Variants in GABRG3 observed in about 807,000 individuals in gnomAD.
GABRG3 encodes gamma-aminobutyric acid receptor subunit gamma-3.
GABRG3 carries 25 observed loss-of-function variants against 48.8 expected under a neutral mutation model. That is an observed-to-expected ratio of 0.51 (90% CI 0.37 to 0.72). The LOEUF (loss-of-function observed/expected upper bound fraction) is 0.72. Among genes scored for constraint, GABRG3 ranks in the 30% least tolerant of loss-of-function variants. GABRG3 has a pLI of 0.00. For synonymous variants in GABRG3, 227 were observed against 217.6 expected, an observed-to-expected ratio of 1.04 and a Z score of -0.38; for missense variants, 394 against 577.9, an observed-to-expected ratio of 0.68 and a Z score of 3.26.
intron 6 of GABRG3, among the ~76,000 whole-genome samples, chr15:27,485,024 A>T (rs1303707994): frequency 6.6e-6 from 1 of 152,196 alleles, no homozygotes; most frequent in East Asian, 1.9e-4. Flanking sequence ...CCACTCTTTA[A>T]TTGTGGGCTG....
chr15:27,433,361 G>A (rs1399593331), intron 5 of GABRG3, among the ~76,000 whole-genome samples: 1 of 152,218 alleles, frequency 6.6e-6, no homozygotes, highest in Non-Finnish European at 1.5e-5. Flanking sequence ...CAACATGTCA[G>A]GAAACCTGTG....
intron 6 of GABRG3, among the ~76,000 whole-genome samples, chr15:27,518,215 AAGAATT>A (rs1389096706): frequency 2.0e-5 from 3 of 149,338 alleles, no homozygotes; most frequent in African/African-American, 7.6e-5. Context: ...AAAAAAAAAA[AAGAATT>A]AGCCAGACGT....
At chr15:27,421,814 C>T (rs1888124909) in intron 5 of GABRG3, among the ~76,000 whole-genome samples, 1 of 151,502 alleles carries the variant, frequency 6.6e-6, no homozygotes, top group South Asian at 2.1e-4. Context: ...TCTAAGATAT[C>T]CATGGGAGTG....
chr15:27,519,692 G>A (rs977656396), intron 6 of GABRG3, among the ~76,000 whole-genome samples: 10 of 152,108 alleles, frequency 6.6e-5, no homozygotes, highest in Non-Finnish European at 1.0e-4. Context: ...ATCAACTCAT[G>A]GCCTGTCGTG....
intron 5 of GABRG3, among the ~76,000 whole-genome samples, chr15:27,349,962 A>AAC (rs1261822345): frequency 8.5e-3 from 1 of 118 alleles, no homozygotes; most frequent in Non-Finnish European, 0.016. Flanking sequence ...TGACAATAAC[A>AAC]AAAAAAAACC....
intron 3 of GABRG3, among the ~76,000 whole-genome samples, chr15:27,284,517 C>G (rs898586359): frequency 2.6e-5 from 4 of 152,220 alleles, no homozygotes; most frequent in African/African-American, 9.6e-5. Context: ...CACTCTCTCT[C>G]TCACACACAC....
intron 2 of GABRG3, among the ~76,000 whole-genome samples, chr15:26,986,542 C>A (rs1304524189): frequency 6.6e-6 from 1 of 152,168 alleles, no homozygotes; most frequent in Non-Finnish European, 1.5e-5. Context: ...TGCACCATGC[C>A]ACCCCTATCG....
In GABRG3 at chr15:27,198,572, G is replaced by A. The variant is rs531322453; in HGVS notation, c.271-128237G>A. Among the ~76,000 whole-genome samples, 14 of 152,320 alleles carry A rather than the reference G, an allele frequency of 9.2e-5. 1 individual carries two copies. In the South Asian group the frequency reaches 2.9e-3, roughly 32 times the overall value. Reference sequence around the variant, plus strand: ...GGGAGTGTAAATTAGTTCAACCATTGTGGAAGACAGTGTGGTGATTCCTCA... The same window carrying A: ...GGGAGTGTAAATTAGTTCAACCATTATGGAAGACAGTGTGGTGATTCCTCA... On this transcript the variant is annotated intron_variant, in intron 3 of 9. Coordinates refer to ENST00000615808, the MANE Select transcript of GABRG3 (RefSeq NM_033223.5).
chr15:27,135,882 G>A (rs1897999965), intron 3 of GABRG3, among the ~76,000 whole-genome samples: 1 of 152,158 alleles, frequency 6.6e-6, no homozygotes, highest in African/African-American at 2.4e-5. Flanking sequence ...TCCAGCCTGA[G>A]CAACAGAGCC....
At chr15:27,061,436 G>A (rs1445093763) in intron 3 of GABRG3, among the ~76,000 whole-genome samples, 2 of 145,306 alleles carry the variant, frequency 1.4e-5, no homozygotes, top group African/African-American at 4.9e-5. Context: ...GCTCCATTGA[G>A]GTAACTGCTC....
At chr15:27,368,358 G>A (rs914198534) in intron 5 of GABRG3, among the ~76,000 whole-genome samples, 1 of 152,188 alleles carries the variant, frequency 6.6e-6, no homozygotes, top group Middle Eastern at 3.2e-3. Context: ...TAGGGTGGTT[G>A]GTCAAAACTG....
intron 3 of GABRG3, among the ~76,000 whole-genome samples, chr15:27,286,231 A>G (rs1032879854): frequency 1.3e-5 from 2 of 152,228 alleles, no homozygotes; most frequent in Non-Finnish European, 2.9e-5. Flanking sequence ...CTTTACATGC[A>G]GGGCACTGTT....
intron 2 of GABRG3, among the ~76,000 whole-genome samples, chr15:27,018,968 A>G (rs1272150637): frequency 6.6e-6 from 1 of 152,064 alleles, no homozygotes; most frequent in African/African-American, 2.4e-5. Context: ...TGTTTAAAAA[A>G]TTCTTGAAAG....
chr15:27,523,284 G>C (rs926654242), intron 7 of GABRG3, among the ~76,000 whole-genome samples: 1 of 150,630 alleles, frequency 6.6e-6, no homozygotes, highest in Non-Finnish European at 1.5e-5. Context: ...GAAGATTTGT[G>C]GTTTTGTATT....
chr15:27,067,071 A>G (rs1028417084), intron 3 of GABRG3, among the ~76,000 whole-genome samples: 11 of 152,230 alleles, frequency 7.2e-5, no homozygotes, highest in Admixed American at 4.6e-4. Context: ...TCACGTGCAC[A>G]CATGAAAACA....
intron 3 of GABRG3, among the ~76,000 whole-genome samples, chr15:27,081,049 C>A (rs1896985575): frequency 6.6e-6 from 1 of 152,200 alleles, no homozygotes; most frequent in African/African-American, 2.4e-5. Flanking sequence ...TGAGGGCACA[C>A]AGCTGAGTGA....
chr15:26,993,837 C>G (rs548934778), intron 2 of GABRG3, among the ~76,000 whole-genome samples: 17 of 152,054 alleles, frequency 1.1e-4, no homozygotes, highest in Non-Finnish European at 2.1e-4. Context: ...TTGTCTGTTT[C>G]TCTCTTTAGC....
At chr15:27,008,905 C>G (rs1334612388) in intron 2 of GABRG3, among the ~76,000 whole-genome samples, 1 of 152,064 alleles carries the variant, frequency 6.6e-6, no homozygotes. Flanking sequence ...AGAAGAAAAT[C>G]CAGCATCTGT....
intron 3 of GABRG3, among the ~76,000 whole-genome samples, chr15:27,097,006 A>ATTTTT (rs36057231): frequency 9.3e-4 from 123 of 131,718 alleles, no homozygotes; most frequent in African/African-American, 3.2e-3. Flanking sequence ...ATACCCGGCT[A>ATTTTT]TTTTTTTTTT....
Sources: allele counts gnomAD v4.1 joint callset (sites outside exome capture counted in the v4.1 genomes callset), GRCh38; gene constraint gnomAD v4.1.1; transcripts MANE v1.5; gene names NCBI Gene and HGNC (gene_info 2026-07-23, HGNC 2026-07-21).